PLEKHM3: variants seen among roughly 807,000 people sequenced by gnomAD.
PLEKHM3 encodes pleckstrin homology domain containing M3, also known as pleckstrin homology domain-containing family M member 3.
Under a neutral mutation model 81.8 loss-of-function variants are expected in PLEKHM3, and 45 were observed. That is an observed-to-expected ratio of 0.55 (90% confidence interval 0.43 to 0.71). The LOEUF is 0.71. Among genes scored for constraint, PLEKHM3 ranks in the 30% least tolerant of loss-of-function variants. PLEKHM3 has a pLI of 0.00. For synonymous variants in PLEKHM3, 352 were observed against 356.4 expected (o/e 0.99, Z 0.14); for missense variants, 788 against 924.3 (o/e 0.85, Z 1.91).
rs982372262 is a variant in PLEKHM3 at position 207,899,548 on chromosome 2, C to A, written c.1950+8966G>T. Among the ~76,000 whole-genome samples the A allele has an allele frequency of 3.3e-5, 5 of 152,080 alleles. No homozygotes were observed. In the East Asian group the frequency reaches 9.6e-4, roughly 29 times the overall value. On this transcript the variant is annotated intron_variant, in intron 6 of 7. Coordinates refer to ENST00000427836, the MANE Select transcript of PLEKHM3 (RefSeq NM_001080475.3). Reference sequence around the variant, plus strand: ...AAATGAATAGGGAGAAAACACCCAGCGAGGGGCTTGGTGACAGAGTTGGGC... The same window carrying A: ...AAATGAATAGGGAGAAAACACCCAGAGAGGGGCTTGGTGACAGAGTTGGGC...
At position 207,824,174 on chromosome 2, in the gene PLEKHM3, G is replaced by A. The variant is rs550104389; in HGVS notation, c.*4145C>T. ...AGGGGAAACAGAGAGTGCCGCTACC[G>A]ATTCAGGTCACGCAAAGGAGGGAGG... On this transcript the variant is annotated 3_prime_UTR_variant, in exon 8 of 8. Transcript: ENST00000427836. 7.4e-4 allele frequency: 113 copies of A among 152,314 alleles called. No homozygotes were observed. The highest frequency in any genetic ancestry group is 2.7e-3 in the African/African-American group (111 of 41,568). The allele number at this position is 152,314 out of a possible 1,614,324, so 9.4% of individuals were successfully genotyped here.
At chr2:207,960,435 C>T (rs1690689552) in intron 3 of PLEKHM3, among the ~76,000 whole-genome samples, 1 of 152,146 alleles carries the variant, frequency 6.6e-6, no homozygotes, top group Non-Finnish European at 1.5e-5. Context: ...GGACATCATG[C>T]CCTTCAGGAC....
At chr2:208,021,907 T>C (rs915594773) in intron 1 of PLEKHM3, among the ~76,000 whole-genome samples, 2 of 152,262 alleles carry the variant, frequency 1.3e-5, no homozygotes, top group African/African-American at 2.4e-5. Context: ...TATATAACAC[T>C]GTATCTATTG....
chr2:207,840,798 TG>T (rs371865597), intron 7 of PLEKHM3, among the ~76,000 whole-genome samples: 8,430 of 145,170 alleles, frequency 0.058, 634 homozygotes, highest in African/African-American at 0.16. Context: ...ACACTTTTTA[TG>T]TTTTTTTTTT....
intron 1 of PLEKHM3, among the ~76,000 whole-genome samples, chr2:208,006,587 C>T (rs1692500453): frequency 6.6e-6 from 1 of 152,188 alleles, no homozygotes; most frequent in African/African-American, 2.4e-5. Flanking sequence ...GCTGCTCCAA[C>T]ATGCCTTTAC....
At chr2:208,022,982 T>C (rs1693176259) in intron 1 of PLEKHM3, among the ~76,000 whole-genome samples, 1 of 152,184 alleles carries the variant, frequency 6.6e-6, no homozygotes, top group African/African-American at 2.4e-5. Context: ...AAAATGAATC[T>C]TACTGTTGAC....
chr2:207,831,467 A>G (rs1314945291), intron 7 of PLEKHM3, among the ~76,000 whole-genome samples: 1 of 152,216 alleles, frequency 6.6e-6, no homozygotes, highest in Admixed American at 6.5e-5. Context: ...TCAAACCACA[A>G]ATCCTTTGTA....
In PLEKHM3 at chr2:207,908,597, G is replaced by C; in HGVS notation, c.1887-20C>G. On this transcript the variant is annotated intron_variant, in intron 5 of 7. Transcript: ENST00000427836. Reference sequence around the variant, plus strand: ...AAAATTCTGAAAACAAGGGCAGATAGACAAGTGAACTGTGGTGCTGCCATA... The same window carrying C: ...AAAATTCTGAAAACAAGGGCAGATACACAAGTGAACTGTGGTGCTGCCATA... 1.3e-6 allele frequency: 2 copies of C among 1,589,228 alleles called. No homozygotes were observed. The highest frequency in any genetic ancestry group is 1.3e-5 in the African/African-American group (1 of 74,186).
intron 6 of PLEKHM3, among the ~76,000 whole-genome samples, chr2:207,901,703 C>A (rs1415212982): frequency 1.3e-5 from 2 of 152,218 alleles, no homozygotes; most frequent in Admixed American, 6.5e-5. Context: ...CCAGCAAGAT[C>A]TTAGCCTGTG....
intron 6 of PLEKHM3, among the ~76,000 whole-genome samples, chr2:207,897,264 A>G (rs1688256753): frequency 6.6e-6 from 1 of 152,166 alleles, no homozygotes; most frequent in Non-Finnish European, 1.5e-5. Context: ...GAGACATAGC[A>G]AGCATTGCTT....
At chr2:207,997,151 T>C (rs564657575) in intron 2 of PLEKHM3, among the ~76,000 whole-genome samples, 1 of 152,186 alleles carries the variant, frequency 6.6e-6, no homozygotes, top group African/African-American at 2.4e-5. Flanking sequence ...GCTACTTTGT[T>C]TGACCAGAAG....
intron 7 of PLEKHM3, among the ~76,000 whole-genome samples, chr2:207,840,081 G>A (rs1391506904): frequency 6.6e-6 from 1 of 152,210 alleles, no homozygotes; most frequent in Non-Finnish European, 1.5e-5. Context: ...ATACTTCTAA[G>A]TCAATCATTG....
At chr2:207,927,332 AT>A (rs1476552522) in intron 5 of PLEKHM3, among the ~76,000 whole-genome samples, 4 of 152,176 alleles carry the variant, frequency 2.6e-5, no homozygotes, top group African/African-American at 9.7e-5. Flanking sequence ...CCTGGGCAAC[AT>A]GGTGAAAGCC....
In PLEKHM3 at chr2:207,941,671, A is replaced by G. The variant is rs1397206236; in HGVS notation, c.1692+4696T>C. Among the ~76,000 whole-genome samples the G allele has an allele frequency of 4.6e-5, 7 of 152,360 alleles. 1 individual carries two copies. Among genetic ancestry groups the G allele is most frequent in the South Asian group, 4.1e-4 (2 of 4,832 alleles). On this transcript the variant is annotated intron_variant, in intron 4 of 7. Coordinates refer to ENST00000427836, the MANE Select transcript of PLEKHM3 (RefSeq NM_001080475.3). ...CTGCATAGCAAAAGAAACAACCAAT[A>G]AAGTGAAGAGACAATGTACAAAATG...
chr2:207,873,327 CCTTTTCTGTTAATCACTTAA>C (rs2092544658), intron 6 of PLEKHM3, among the ~76,000 whole-genome samples: 1 of 152,264 alleles, frequency 6.6e-6, no homozygotes, highest in South Asian at 2.1e-4. Flanking sequence ...AGCTCTATGA[CCTTTTCTGTTAATCACTTAA>C]CTTCTCCATG....
intron 2 of PLEKHM3, among the ~76,000 whole-genome samples, chr2:207,980,892 G>C (rs1691499765): frequency 6.6e-6 from 1 of 152,114 alleles, no homozygotes; most frequent in Non-Finnish European, 1.5e-5. Flanking sequence ...ACTTTGGGAG[G>C]CTCAGGCGGG....
At chr2:207,956,362 G>A (rs962948465) in intron 3 of PLEKHM3, among the ~76,000 whole-genome samples, 1 of 151,684 alleles carries the variant, frequency 6.6e-6, no homozygotes, top group Admixed American at 6.6e-5. Context: ...AGTCCCAGCT[G>A]CTTGGGAGGC....
intron 1 of PLEKHM3, among the ~76,000 whole-genome samples, chr2:208,015,526 A>G (rs916044249): frequency 2.3e-4 from 35 of 152,210 alleles, no homozygotes; most frequent in Non-Finnish European, 3.7e-4. Context: ...TAAGTTCTCT[A>G]CGGGAATGGT....
chr2:207,939,570 G>A (rs906240502), intron 4 of PLEKHM3, among the ~76,000 whole-genome samples: 3 of 152,232 alleles, frequency 2.0e-5, no homozygotes, highest in Non-Finnish European at 4.4e-5. Flanking sequence ...AACCATAACT[G>A]AGGGCTTATG....
Sources: gnomAD v4.1 joint callset for allele counts (sites outside exome capture counted in the v4.1 genomes callset) on GRCh38, gnomAD v4.1.1 for gene constraint, MANE v1.5 for transcripts, NCBI Gene and HGNC (gene_info 2026-07-23, HGNC 2026-07-21) for gene names.